Variants in DHX36 observed in about 807,000 individuals in gnomAD.
DHX36 encodes the protein DEAH-box helicase 36.
In DHX36, 50 loss-of-function variants were observed where a neutral mutation model predicts 139.0. That is an observed-to-expected ratio of 0.36 (90% confidence interval 0.29 to 0.46). The LOEUF (loss-of-function observed/expected upper bound fraction) is 0.46, where lower values mean the gene tolerates loss of function less well. Ranked by LOEUF, DHX36 falls within the 20% of genes least tolerant of loss-of-function variation. The pLI is 1.00. For missense variants in DHX36, 1,024 were observed against 1,211.3 expected (o/e 0.85, Z 2.29); for synonymous variants, 425 against 401.9 (o/e 1.06, Z -0.69).
intron 1 of DHX36, among the ~76,000 whole-genome samples, chr3:154,322,982 A>C (rs911298949): frequency 6.6e-6 from 1 of 152,250 alleles, no homozygotes; most frequent in East Asian, 1.9e-4. Flanking sequence ...AAGGCCCCCA[A>C]AACACCTGAA....
At chr3:154,303,248 G>C in intron 9 of DHX36, 81 bp downstream of exon 9, 1 of 1,000,336 alleles carries the variant, frequency 1.0e-6, no homozygotes, top group Non-Finnish European at 1.5e-6. Context: ...TCAATGATGG[G>C]TTTCTGAGAC....
At chr3:154,301,246 C>A in intron 9 of DHX36, 119 bp from the exon 10 acceptor site, 2 of 982,848 alleles carry the variant, frequency 2.0e-6, no homozygotes, top group Non-Finnish European at 2.9e-6. Context: ...TTTCATTATG[C>A]TTTCAAGTGA....
intron 6 of DHX36, 154 bp from the exon 7 acceptor site, chr3:154,305,322 G>C (rs1437822398): frequency 5.8e-5 from 35 of 600,352 alleles, no homozygotes; most frequent in Non-Finnish European, 5.8e-6. Flanking sequence ...TACCACAATG[G>C]GGTAATGGGA....
At chr3:154,281,451 C>A (rs570391329) in intron 20 of DHX36, among the ~76,000 whole-genome samples, 131 of 151,692 alleles carry the variant, frequency 8.6e-4, no homozygotes, top group Non-Finnish European at 1.6e-3. Flanking sequence ...AATACTCAGT[C>A]TTCTAAATAA....
chr3:154,311,462 G>A (rs1395924517), intron 4 of DHX36, among the ~76,000 whole-genome samples, 174 bp downstream of exon 4: 1 of 151,856 alleles, frequency 6.6e-6, no homozygotes, highest in African/African-American at 2.4e-5. Flanking sequence ...GAGGAAAATT[G>A]TTTATGAACC....
At chr3:154,301,225 C>T in intron 9 of DHX36, 98 bp from the exon 10 acceptor site, 2 of 1,211,386 alleles carry the variant, frequency 1.7e-6, no homozygotes, top group Non-Finnish European at 2.3e-6. Flanking sequence ...AAAAAGGATT[C>T]CAAAGAACAT....
chr3:154,296,243 G>A (rs1049675018), intron 12 of DHX36, among the ~76,000 whole-genome samples: 3 of 152,176 alleles, frequency 2.0e-5, no homozygotes, highest in African/African-American at 4.8e-5. Flanking sequence ...GGGAGGCCGA[G>A]GCGGGCGGAT....
In DHX36 at chr3:154,276,632, T is replaced by C. The variant is rs1719157046; in HGVS notation, c.2841+115A>G. The C allele has an allele frequency of 5.1e-6, 6 of 1,178,032 alleles. No homozygotes were observed. In the East Asian group the frequency reaches 1.4e-4, roughly 28 times the overall value. 73.0% of individuals were successfully genotyped at this position (1,178,032 alleles called of 1,614,324 possible). ...ACCAGGAATCATTTTTTCAAAATTATTTGCTCTGCTGAAATAGAGCAAGAA... is the reference window on the plus strand; with the variant it reads ...ACCAGGAATCATTTTTTCAAAATTACTTGCTCTGCTGAAATAGAGCAAGAA... On this transcript the variant is annotated intron_variant, in intron 24 of 24. Transcript: ENST00000496811.
intron 1 of DHX36, among the ~76,000 whole-genome samples, chr3:154,318,694 T>C (rs1388230069): frequency 6.6e-6 from 1 of 152,186 alleles, no homozygotes; most frequent in Non-Finnish European, 1.5e-5. Context: ...TGCTAATCAA[T>C]AAGGAATTAG....
intron 20 of DHX36, among the ~76,000 whole-genome samples, chr3:154,282,142 C>T (rs569777899): frequency 6.6e-6 from 1 of 152,236 alleles, no homozygotes; most frequent in East Asian, 1.9e-4. Context: ...CATTTCAAAA[C>T]GTGTTCTTAC....
At chr3:154,304,274 G>C (rs972645565) in intron 8 of DHX36, among the ~76,000 whole-genome samples, 1 of 152,166 alleles carries the variant, frequency 6.6e-6, no homozygotes, top group African/African-American at 2.4e-5. Context: ...AAAAGAATGT[G>C]CTTTTGCAGC....
chr3:154,293,759 A>C lies in DHX36; in HGVS notation c.1659T>G (p.Ile553Met). Residue 553 changes from isoleucine to methionine, a missense_variant, in exon 14 of 25, where the codon ATT (isoleucine) becomes ATG (methionine). Ile to Met is a conservative substitution (Grantham distance 10). This residue lies in a region of DHX36 where 470 missense variants were observed against 616.2 expected (regional missense o/e 0.76). Transcript: ENST00000496811. ...AAAACTATTTTTACCTAGTCTCCGC[A>C]ATGTTGGTAGCAATTACTATTTTCC... ...GVRKIVIATN[I>M]AETSITIDDV... 6.2e-7 allele frequency: 1 copy of C among 1,612,792 alleles called. No individual in the cohort carries two copies. Among genetic ancestry groups the C allele is most frequent in the Non-Finnish European group, 8.5e-7 (1 of 1,179,046 alleles).
chr3:154,311,576 TA>T (rs973526712), intron 4 of DHX36, 59 bp downstream of exon 4: 34 of 1,420,610 alleles, frequency 2.4e-5, no homozygotes, highest in African/African-American at 1.8e-4. Flanking sequence ...TATAGAGCTT[TA>T]AAAAAAATTG....
chr3:154,296,428 C>A (rs1042480347), intron 12 of DHX36, among the ~76,000 whole-genome samples: 1 of 152,040 alleles, frequency 6.6e-6, no homozygotes, highest in Non-Finnish European at 1.5e-5. Flanking sequence ...GAGCCGAGAT[C>A]GCGCCACTGC....
At chr3:154,281,498 T>C (rs750526727) in intron 20 of DHX36, among the ~76,000 whole-genome samples, 4 of 152,088 alleles carry the variant, frequency 2.6e-5, no homozygotes, top group South Asian at 2.1e-4. Context: ...TATATACTGA[T>C]AGAAGAAATG....
At position 154,304,922 on chromosome 3, in the gene DHX36, T is replaced by C; in HGVS notation, c.1019A>G (p.Asn340Ser). 1.9e-6 allele frequency: 3 copies of C among 1,611,874 alleles called. No individual in the cohort carries two copies. The highest frequency in any genetic ancestry group is 2.2e-5 in the East Asian group (1 of 44,788). The change falls in exon 8 of 25, where the codon AAT becomes AGT. Residue 340 changes from asparagine (N) to serine (S), a missense_variant. Coordinates refer to ENST00000496811, the MANE Select transcript of DHX36 (RefSeq NM_020865.3). Reference sequence around the variant, plus strand: ...AGTCATTAAAACATCTGACTGCAGATTTCTTTCATGGATTTCATCAAGTAC... The same window carrying C: ...AGTCATTAAAACATCTGACTGCAGACTTCTTTCATGGATTTCATCAAGTAC... ...HIVLDEIHERNLQSDVLMTVV... is the reference protein window; with the variant it reads ...HIVLDEIHERSLQSDVLMTVV...
intron 17 of DHX36, among the ~76,000 whole-genome samples, chr3:154,288,598 T>C (rs1057497493): frequency 1.3e-5 from 2 of 152,168 alleles, no homozygotes; most frequent in South Asian, 4.1e-4. Flanking sequence ...TTTCAAATTT[T>C]ATGTAATCTT....
intron 3 of DHX36, among the ~76,000 whole-genome samples, chr3:154,312,717 C>T (rs1355911536): frequency 1.3e-5 from 2 of 150,780 alleles, no homozygotes; most frequent in East Asian, 2.0e-4. Flanking sequence ...TGGCACACGC[C>T]TGTAGTCCCA....
At chr3:154,298,363 TA>T (rs1712127109) in intron 12 of DHX36, among the ~76,000 whole-genome samples, 1 of 152,088 alleles carries the variant, frequency 6.6e-6, no homozygotes, top group South Asian at 2.1e-4. Context: ...ATTTAGCCAA[TA>T]AAAAAATTCT....
Sources: allele counts gnomAD v4.1 joint callset (sites outside exome capture counted in the v4.1 genomes callset), GRCh38; gene constraint gnomAD v4.1.1; regional missense constraint gnomAD v4.1.1; transcripts MANE v1.5; gene names NCBI Gene and HGNC (gene_info 2026-07-23, HGNC 2026-07-21).